The following ROPN1L variants were observed in gnomAD, a reference collection of about 807,000 sequenced individuals.
ROPN1L encodes the protein rhophilin associated tail protein 1 like, also known as ropporin-1-like protein.
In ROPN1L, 23 loss-of-function variants were observed where a neutral mutation model predicts 22.7. That is an observed-to-expected ratio of 1.01 (90% CI 0.73 to 1.43). ROPN1L has a LOEUF of 1.43. Among genes scored for constraint, ROPN1L ranks in the 40% most tolerant of loss-of-function variants. The pLI is 0.00. For missense variants in ROPN1L, 271 were observed against 291.5 expected (o/e 0.93, Z 0.51); for synonymous variants, 116 against 117.8 (o/e 0.98, Z 0.10).
the ROPN1L span, among the ~76,000 whole-genome samples, chr5:10,482,551 GT>G: frequency 2.0e-5 from 3 of 152,170 alleles, no homozygotes; most frequent in Non-Finnish European, 4.4e-5. Flanking sequence ...GAGAGATCAG[GT>G]TTTAGGGGAG....
intron 3 of ROPN1L, among the ~76,000 whole-genome samples, chr5:10,458,580 T>A (rs1734911068): frequency 3.6e-5 from 2 of 55,684 alleles, no homozygotes; most frequent in African/African-American, 1.6e-4. Context: ...ATCCCCCCTA[T>A]GTACACCATC....
At chr5:10,444,434 G>C (rs1740989671) in intron 1 of ROPN1L, among the ~76,000 whole-genome samples, 1 of 152,038 alleles carries the variant, frequency 6.6e-6, no homozygotes, top group Admixed American at 6.5e-5. Flanking sequence ...GGGATTACAG[G>C]CACTTGCCAC....
chr5:10,465,082 G>C (rs192644009), downstream of ROPN1L: 21 of 483,596 alleles, frequency 4.3e-5, no homozygotes, highest in African/African-American at 3.8e-4. Context: ...CTGCTTCGTG[G>C]GGCCTGATTC....
Position 10,461,323 on chromosome 5 carries a change from A to G in ROPN1L, c.557A>G (p.Glu186Gly), listed in dbSNP as rs959794483. Residue 186 changes from glutamate to glycine, a missense_variant, in exon 4 of 5, where the codon GAG (glutamate) becomes GGG (glycine). By Grantham distance (98) the Glu-to-Gly change is moderately conservative. Coordinates refer to ENST00000274134, the MANE Select transcript of ROPN1L (RefSeq NM_031916.5). ...TTAGACTCAGATGTGTCTCCCTTGG[A>G]GACGGAATCCTACCTTGCCTCTCTA... ...ARLDSDVSPL[E>G]TESYLASLKE... The G allele has an allele frequency of 6.2e-7, 1 of 1,614,064 alleles. No individual in the cohort carries two copies. Among genetic ancestry groups the G allele is most frequent in the Admixed American group, 1.7e-5 (1 of 60,010 alleles).
downstream of ROPN1L, among the ~76,000 whole-genome samples, chr5:10,473,949 C>T (rs1033987643): frequency 3.9e-5 from 6 of 151,926 alleles, no homozygotes; most frequent in South Asian, 2.1e-4. Flanking sequence ...TGCAGGAGTT[C>T]GAGACCACCC....
intron 4 of ROPN1L, among the ~76,000 whole-genome samples, chr5:10,462,070 A>C (rs1011296704): frequency 3.9e-5 from 6 of 152,104 alleles, no homozygotes; most frequent in Non-Finnish European, 7.4e-5. Context: ...AATAGTGATC[A>C]CCTAAGCCAT....
intron 3 of ROPN1L, among the ~76,000 whole-genome samples, chr5:10,454,640 A>G (rs921691483): frequency 6.6e-6 from 1 of 152,210 alleles, no homozygotes; most frequent in Admixed American, 6.5e-5. Context: ...TTTGAAACGC[A>G]TTTGAACTTT....
At chr5:10,451,279 G>A (rs551876321) in intron 3 of ROPN1L, among the ~76,000 whole-genome samples, 5 of 152,236 alleles carry the variant, frequency 3.3e-5, no homozygotes, top group African/African-American at 4.8e-5. Context: ...GTAAACACCC[G>A]CAAGGCTACC....
intron 3 of ROPN1L, among the ~76,000 whole-genome samples, chr5:10,458,890 T>C (rs1875019): frequency 0.61 from 7,870 of 12,950 alleles, 2,347 homozygotes; most frequent in Middle Eastern, 0.75. Flanking sequence ...CACCATCCCC[T>C]CGTGTACACC....
downstream of ROPN1L, among the ~76,000 whole-genome samples, chr5:10,469,272 T>G (rs2126479988): frequency 6.6e-6 from 1 of 151,766 alleles, no homozygotes; most frequent in Non-Finnish European, 1.5e-5. Flanking sequence ...CCCAGGAGTT[T>G]GAGACCAGCC....
At chr5:10,445,117 C>T (rs1202149116) in intron 1 of ROPN1L, among the ~76,000 whole-genome samples, 3 of 152,032 alleles carry the variant, frequency 2.0e-5, no homozygotes, top group Admixed American at 6.5e-5. Context: ...ATTACAGGTG[C>T]GTGCCACCAC....
chr5:10,479,718 C>A, the ROPN1L span, among the ~76,000 whole-genome samples: 1 of 151,910 alleles, frequency 6.6e-6, no homozygotes, highest in African/African-American at 2.4e-5. Context: ...ATGCACGGCA[C>A]GGCTTTGCGG....
At chr5:10,462,616 G>A (rs1277813544) in intron 4 of ROPN1L, among the ~76,000 whole-genome samples, 1 of 152,170 alleles carries the variant, frequency 6.6e-6, no homozygotes, top group Non-Finnish European at 1.5e-5. Flanking sequence ...GATAGAGGCT[G>A]GGCACGGTGC....
At chr5:10,443,645 C>T in intron 1 of ROPN1L, among the ~76,000 whole-genome samples, 1 of 151,718 alleles carries the variant, frequency 6.6e-6, no homozygotes, top group East Asian at 1.9e-4. Flanking sequence ...AAAAAAAACA[C>T]AGACATACAT....
At chr5:10,462,636 G>A (rs1201727360) in intron 4 of ROPN1L, among the ~76,000 whole-genome samples, 1 of 152,202 alleles carries the variant, frequency 6.6e-6, no homozygotes, top group African/African-American at 2.4e-5. Context: ...CCTCACGCCT[G>A]TAATCCCAGC....
intron 4 of ROPN1L, chr5:10,461,589 G>C (rs1470259206): frequency 6.7e-6 from 3 of 448,624 alleles, no homozygotes; most frequent in Non-Finnish European, 1.2e-5. Context: ...TCTCTACCCT[G>C]TCTACCTGGA....
downstream of ROPN1L, among the ~76,000 whole-genome samples, chr5:10,476,091 G>A (rs1302484182): frequency 1.3e-5 from 2 of 152,222 alleles, no homozygotes; most frequent in Non-Finnish European, 1.5e-5. Flanking sequence ...CTCACATGCC[G>A]GCAGGCGGTG....
intron 4 of ROPN1L, 96 bp downstream of exon 4, chr5:10,461,455 T>G (rs1735028730): frequency 2.9e-6 from 3 of 1,045,010 alleles, no homozygotes; most frequent in Non-Finnish European, 2.9e-6. Context: ...GTTTTTCCTT[T>G]GCTCTCTCAC....
In ROPN1L at chr5:10,463,465, G is replaced by A. The variant is rs535879282; in HGVS notation, c.594-1383G>A. On this transcript the variant is annotated intron_variant, in intron 4 of 4. Coordinates refer to ENST00000274134, the MANE Select transcript of ROPN1L (RefSeq NM_031916.5). ...AGCTGTGGTGCTGCAGAGTAAGCCT[G>A]GTTAACAGCAAGAAAGGGCCTTCTA... 1.4e-4 allele frequency among the ~76,000 whole-genome samples: 21 copies of A among 152,272 alleles called. 1 individual carries two copies. In the South Asian group the frequency reaches 2.7e-3, roughly 20 times the overall value.
Sources: gnomAD v4.1 joint callset for allele counts (sites outside exome capture counted in the v4.1 genomes callset) on GRCh38, gnomAD v4.1.1 for gene constraint, MANE v1.5 for transcripts, NCBI Gene and HGNC (gene_info 2026-07-23, HGNC 2026-07-21) for gene names.